Variants in CDH12 observed in about 807,000 individuals in gnomAD.
CDH12 encodes cadherin 12.
In CDH12, 41 loss-of-function variants were observed where a neutral mutation model predicts 74.1. The ratio of observed to expected loss-of-function variants is 0.55; its 90% CI spans 0.43 to 0.72. The LOEUF is 0.72. CDH12 is among the 30% of genes least tolerant of loss of function. The pLI, the probability that CDH12 is intolerant of heterozygous loss-of-function variation, is 0.00. For synonymous variants in CDH12, 399 were observed against 355.0 expected (o/e 1.12, Z -1.39); for missense variants, 945 against 977.2 (o/e 0.97, Z 0.44).
intron 8 of CDH12, among the ~76,000 whole-genome samples, chr5:21,820,173 C>A (rs1748288147): frequency 6.6e-6 from 1 of 151,784 alleles, no homozygotes; most frequent in Non-Finnish European, 1.5e-5. Flanking sequence ...CTTTCCAAGA[C>A]AATAATATGC....
At chr5:22,103,844 G>T (rs918109531) in intron 4 of CDH12, among the ~76,000 whole-genome samples, 29 of 152,188 alleles carry the variant, frequency 1.9e-4, no homozygotes, top group African/African-American at 6.5e-4. Context: ...ATCAGTGACA[G>T]AGAAGCATAT....
intron 1 of CDH12, among the ~76,000 whole-genome samples, chr5:22,807,500 T>C (rs74779866): frequency 6.6e-6 from 1 of 152,328 alleles, no homozygotes; most frequent in East Asian, 1.9e-4. Flanking sequence ...TATACAGTTA[T>C]GTGCTGCTTA....
At chr5:22,747,991 C>G (rs1219549684) in intron 1 of CDH12, among the ~76,000 whole-genome samples, 1 of 152,084 alleles carries the variant, frequency 6.6e-6, no homozygotes, top group Non-Finnish European at 1.5e-5. Flanking sequence ...AGCACACATT[C>G]ACTATAATCA....
At chr5:22,758,046 A>T (rs1053695800) in intron 1 of CDH12, among the ~76,000 whole-genome samples, 1 of 152,296 alleles carries the variant, frequency 6.6e-6, no homozygotes, top group South Asian at 2.1e-4. Context: ...TTTAGGAAAG[A>T]TTGCTATCTG....
intron 3 of CDH12, among the ~76,000 whole-genome samples, chr5:22,283,435 G>T (rs1476429162): frequency 1.3e-5 from 2 of 151,004 alleles, no homozygotes; most frequent in Non-Finnish European, 3.0e-5. Context: ...ATACTATTTA[G>T]ACTTAACAAA....
chr5:22,679,937 T>A (rs1741405046), intron 1 of CDH12, among the ~76,000 whole-genome samples: 1 of 152,128 alleles, frequency 6.6e-6, no homozygotes, highest in Admixed American at 6.6e-5. Context: ...CCAGATCACA[T>A]GTCTGTACAC....
chr5:21,940,474 T>A (rs1755280566), intron 6 of CDH12, among the ~76,000 whole-genome samples: 1 of 152,222 alleles, frequency 6.6e-6, no homozygotes, highest in South Asian at 2.1e-4. Context: ...AAATTTCTTG[T>A]GACATGTATT....
chr5:22,334,308 G>T (rs764108193), intron 3 of CDH12, among the ~76,000 whole-genome samples: 62 of 151,530 alleles, frequency 4.1e-4, no homozygotes, highest in Non-Finnish European at 4.6e-4. Context: ...CAAAGAAGTG[G>T]AATATCTCTA....
chr5:22,468,826 A>G (rs1005769750), intron 2 of CDH12, among the ~76,000 whole-genome samples: 4 of 152,208 alleles, frequency 2.6e-5, no homozygotes, highest in African/African-American at 9.6e-5. Flanking sequence ...ACAGATATAC[A>G]CACTCCCATA....
At chr5:22,665,516 T>C (rs7731921) in intron 1 of CDH12, among the ~76,000 whole-genome samples, 83,354 of 151,962 alleles carry the variant, frequency 0.55, 23,204 homozygotes, top group Non-Finnish European at 0.59. Context: ...CCATGCTATA[T>C]ACATGGTTTT....
At chr5:22,356,286 CATT>C (rs1311221852) in intron 3 of CDH12, among the ~76,000 whole-genome samples, 1 of 152,036 alleles carries the variant, frequency 6.6e-6, no homozygotes, top group Non-Finnish European at 1.5e-5. Context: ...ATTTATATGA[CATT>C]ATAAATTAGG....
At chr5:22,383,469 G>T (rs1186000505) in intron 3 of CDH12, among the ~76,000 whole-genome samples, 2 of 152,162 alleles carry the variant, frequency 1.3e-5, no homozygotes, top group Non-Finnish European at 2.9e-5. Context: ...ATTTTTGAGA[G>T]AACATAAGCA....
intron 3 of CDH12, among the ~76,000 whole-genome samples, chr5:22,241,219 T>C (rs1752737465): frequency 6.6e-6 from 1 of 152,090 alleles, no homozygotes; most frequent in Admixed American, 6.5e-5. Context: ...TTTTAATATT[T>C]ATGACATATA....
chr5:22,181,344 A>G (rs1211247430), intron 4 of CDH12, among the ~76,000 whole-genome samples: 1 of 152,124 alleles, frequency 6.6e-6, no homozygotes, highest in African/African-American at 2.4e-5. Context: ...TTTATCACAT[A>G]GAAGTCCCCT....
intron 1 of CDH12, among the ~76,000 whole-genome samples, chr5:22,679,973 A>G (rs1298117218): frequency 6.6e-6 from 1 of 152,116 alleles, no homozygotes; most frequent in Non-Finnish European, 1.5e-5. Context: ...TGCCTCATCT[A>G]TTCTACAAGA....
intron 2 of CDH12, among the ~76,000 whole-genome samples, chr5:22,503,467 C>T (rs1361674984): frequency 6.6e-6 from 1 of 152,092 alleles, no homozygotes; most frequent in Non-Finnish European, 1.5e-5. Context: ...GATTATCACT[C>T]TCTATTTTGT....
At chr5:22,329,173 G>T (rs866689204) in intron 3 of CDH12, among the ~76,000 whole-genome samples, 3 of 152,084 alleles carry the variant, frequency 2.0e-5, no homozygotes, top group Admixed American at 6.6e-5. Flanking sequence ...AAAAATTAAT[G>T]CTAGAACATG....
At chr5:22,098,697 C>T (rs1379921256) in intron 4 of CDH12, among the ~76,000 whole-genome samples, 1 of 152,130 alleles carries the variant, frequency 6.6e-6, no homozygotes, top group Admixed American at 6.6e-5. Context: ...TCAATCCGGC[C>T]TCCCACATTA....
intron 8 of CDH12, among the ~76,000 whole-genome samples, chr5:21,821,035 C>T (rs1748341997): frequency 2.6e-5 from 4 of 151,850 alleles, no homozygotes. Flanking sequence ...AAATTGCATG[C>T]AGTGAACTAA....
Sources: allele counts gnomAD v4.1 joint callset (sites outside exome capture counted in the v4.1 genomes callset), GRCh38; gene constraint gnomAD v4.1.1; transcripts MANE v1.5; gene names NCBI Gene and HGNC (gene_info 2026-07-23, HGNC 2026-07-21).